Variants in GRM7 observed in about 807,000 individuals in gnomAD.
GRM7 encodes the protein metabotropic glutamate receptor 7.
A neutral mutation model predicts 84.5 loss-of-function variants in GRM7; 35 were observed. The observed-to-expected ratio is 0.41, with a 90% CI of 0.32 to 0.55. The LOEUF is 0.55. GRM7 is among the 20% of genes least tolerant of loss of function. The pLI is 0.19. For synonymous variants in GRM7, 487 were observed against 455.1 expected, an observed-to-expected ratio of 1.07 and a Z score of -0.89; for missense variants, 1,003 against 1,194.6, an observed-to-expected ratio of 0.84 and a Z score of 2.36.
intron 2 of GRM7, among the ~76,000 whole-genome samples, chr3:7,234,624 C>T (rs550371093): frequency 6.1e-4 from 93 of 152,198 alleles, no homozygotes; most frequent in African/African-American, 2.0e-3. Flanking sequence ...CATGATTAAA[C>T]GTTTTGAGAA....
At chr3:7,201,058 C>T (rs1222218528) in intron 2 of GRM7, among the ~76,000 whole-genome samples, 1 of 148,364 alleles carries the variant, frequency 6.7e-6, no homozygotes, top group African/African-American at 2.5e-5. Context: ...CAAACTCTGC[C>T]TCCTGGGTTC....
At chr3:7,026,936 G>A (rs911495149) in intron 1 of GRM7, among the ~76,000 whole-genome samples, 2 of 152,156 alleles carry the variant, frequency 1.3e-5, no homozygotes, top group African/African-American at 4.8e-5. Context: ...TCTGGCGCTG[G>A]CCAATCAACT....
chr3:7,226,431 A>G (rs952019320), intron 2 of GRM7, among the ~76,000 whole-genome samples: 1 of 152,160 alleles, frequency 6.6e-6, no homozygotes, highest in South Asian at 2.1e-4. Flanking sequence ...AGAGGCCCCG[A>G]CAGTTCCCTA....
intron 9 of GRM7, among the ~76,000 whole-genome samples, chr3:7,705,208 C>A (rs945093535): frequency 5.3e-5 from 8 of 152,130 alleles, no homozygotes; most frequent in African/African-American, 1.9e-4. Context: ...AAGAAACGTT[C>A]AGGACAAATC....
At chr3:7,477,275 C>T (rs1278631355) in intron 7 of GRM7, among the ~76,000 whole-genome samples, 2 of 152,070 alleles carry the variant, frequency 1.3e-5, no homozygotes, top group African/African-American at 4.8e-5. Context: ...ATTCATTCAT[C>T]AGGACCTCAC....
rs758522862 is a variant in GRM7 at position 7,740,397 on chromosome 3, G to A, written c.2739G>A (p.Leu913=). Residue 913 remains leucine, a synonymous_variant, in exon 10 of 10, where the codon CTG becomes CTA. Coordinates refer to ENST00000357716, the MANE Select transcript of GRM7 (RefSeq NM_000844.4). ...AKKKYVSYNN[L]VI ...AGAAGTATGTCAGTTATAATAACCT[G>A]GTTATCTAACCTGTTCCATTCCATG... is the stretch of plus-strand genomic sequence containing the variant. 5 of 1,571,770 alleles carry A rather than the reference G, an allele frequency of 3.2e-6. No homozygotes were observed. The highest frequency in any genetic ancestry group is 1.4e-5 in the African/African-American group (1 of 73,296).
chr3:7,237,497 G>A (rs994767874), intron 2 of GRM7, among the ~76,000 whole-genome samples: 11 of 152,060 alleles, frequency 7.2e-5, no homozygotes, highest in South Asian at 2.1e-4. Context: ...GTGGACGCTC[G>A]TGGTGAGTGT....
chr3:7,534,060 G>A (rs1047783065), intron 7 of GRM7, among the ~76,000 whole-genome samples: 2 of 145,832 alleles, frequency 1.4e-5, no homozygotes, highest in Non-Finnish European at 3.0e-5. Flanking sequence ...TTTTACCAAG[G>A]CTGGAGTGCA....
intron 1 of GRM7, among the ~76,000 whole-genome samples, chr3:7,014,275 A>C (rs1160725424): frequency 6.6e-6 from 1 of 152,192 alleles, no homozygotes; most frequent in African/African-American, 2.4e-5. Context: ...GGAGTAGGCA[A>C]AGTGTGACTC....
chr3:7,528,767 T>G (rs949745395), intron 7 of GRM7, among the ~76,000 whole-genome samples: 1 of 152,126 alleles, frequency 6.6e-6, no homozygotes, highest in Non-Finnish European at 1.5e-5. Flanking sequence ...CTAATTTTGT[T>G]GTTTACTCAA....
At chr3:7,402,837 T>G (rs1695509207) in intron 4 of GRM7, among the ~76,000 whole-genome samples, 1 of 151,156 alleles carries the variant, frequency 6.6e-6, no homozygotes, top group Non-Finnish European at 1.5e-5. Context: ...CTTTTTCCCC[T>G]CTCAGACTTG....
intron 1 of GRM7, among the ~76,000 whole-genome samples, chr3:7,107,926 GAGAC>G (rs1417388057): frequency 6.6e-6 from 1 of 152,054 alleles, no homozygotes; most frequent in Non-Finnish European, 1.5e-5. Flanking sequence ...GACGAGAAAA[GAGAC>G]AGGCAGATGT....
chr3:7,147,645 C>T (rs1468014686), intron 2 of GRM7, among the ~76,000 whole-genome samples: 3 of 152,094 alleles, frequency 2.0e-5, no homozygotes, highest in East Asian at 1.9e-4. Context: ...AGAAATAAAG[C>T]GCTTCCGGAT....
At chr3:7,458,609 G>T (rs908730449) in intron 6 of GRM7, among the ~76,000 whole-genome samples, 12 of 152,228 alleles carry the variant, frequency 7.9e-5, no homozygotes, top group African/African-American at 1.4e-4. Context: ...TGGAAAGGGC[G>T]TGACAAGACC....
At chr3:7,158,736 C>G (rs1190475518) in intron 2 of GRM7, among the ~76,000 whole-genome samples, 1 of 152,166 alleles carries the variant, frequency 6.6e-6, no homozygotes, top group Non-Finnish European at 1.5e-5. Context: ...TAGTAAAATT[C>G]TGGCATCTCC....
intron 7 of GRM7, among the ~76,000 whole-genome samples, chr3:7,514,090 T>A (rs1700298138): frequency 6.6e-6 from 1 of 152,212 alleles, no homozygotes; most frequent in Non-Finnish European, 1.5e-5. Flanking sequence ...TGGTGAGTAT[T>A]GAGTCAATGA....
intron 7 of GRM7, among the ~76,000 whole-genome samples, chr3:7,539,083 T>C (rs1339221431): frequency 1.3e-5 from 2 of 152,164 alleles, no homozygotes; most frequent in African/African-American, 4.8e-5. Flanking sequence ...GATGATTGAT[T>C]CTTATAGATG....
chr3:7,589,512 C>T (rs990845787), intron 8 of GRM7, among the ~76,000 whole-genome samples: 25 of 152,130 alleles, frequency 1.6e-4, no homozygotes, highest in African/African-American at 5.8e-4. Flanking sequence ...AATATGGCAA[C>T]AGTGAATAAA....
intron 2 of GRM7, among the ~76,000 whole-genome samples, chr3:7,211,984 C>T (rs1429118140): frequency 2.0e-5 from 3 of 151,916 alleles, no homozygotes; most frequent in Admixed American, 6.6e-5. Flanking sequence ...ATGCAGTTCC[C>T]TCAGGCGTAG....
Sources: gnomAD v4.1 joint callset for allele counts (sites outside exome capture counted in the v4.1 genomes callset) on GRCh38, gnomAD v4.1.1 for gene constraint, MANE v1.5 for transcripts, NCBI Gene and HGNC (gene_info 2026-07-23, HGNC 2026-07-21) for gene names.